Variants in ASTN2 observed in about 807,000 individuals in gnomAD.
ASTN2 encodes astrotactin 2.
In ASTN2, 54 loss-of-function variants were observed where a neutral mutation model predicts 139.8. The observed-to-expected ratio is 0.39, with a 90% confidence interval of 0.31 to 0.48. The LOEUF (loss-of-function observed/expected upper bound fraction) is 0.48, where lower values mean the gene tolerates loss of function less well. ASTN2 is among the 20% of genes least tolerant of loss of function. The pLI is 0.95. For missense variants in ASTN2, 1,565 were observed against 1,725.1 expected (o/e 0.91, Z 1.64); for synonymous variants, 756 against 719.5 (o/e 1.05, Z -0.81).
intron 4 of ASTN2, among the ~76,000 whole-genome samples, chr9:117,135,747 C>T (rs1324556891): frequency 1.3e-5 from 2 of 152,132 alleles, no homozygotes; most frequent in South Asian, 2.1e-4. Flanking sequence ...AAATGCTTCA[C>T]AGAGCAGATG....
intron 17 of ASTN2, among the ~76,000 whole-genome samples, chr9:116,628,512 G>C (rs1243714215): frequency 6.6e-6 from 1 of 152,088 alleles, no homozygotes; most frequent in African/African-American, 2.4e-5. Context: ...GACTAGAATT[G>C]ACTGCCAGCA....
intron 16 of ASTN2, among the ~76,000 whole-genome samples, chr9:116,652,399 A>G (rs1471158238): frequency 2.0e-5 from 3 of 152,192 alleles, no homozygotes; most frequent in African/African-American, 7.2e-5. Context: ...TTATTATTCA[A>G]TAATTTTGCA....
At chr9:116,431,819 G>A (rs901041737) in intron 22 of ASTN2, among the ~76,000 whole-genome samples, 1 of 152,156 alleles carries the variant, frequency 6.6e-6, no homozygotes, top group Non-Finnish European at 1.5e-5. Flanking sequence ...GGTGACAGGA[G>A]GATAGGGCGG....
chr9:116,515,806 T>G (rs1457179169), intron 19 of ASTN2, among the ~76,000 whole-genome samples: 1 of 152,124 alleles, frequency 6.6e-6, no homozygotes, highest in East Asian at 1.9e-4. Flanking sequence ...TAGTCACAAA[T>G]AATAAAGATG....
At chr9:116,731,535 G>A (rs982813659) in intron 14 of ASTN2, among the ~76,000 whole-genome samples, 6 of 152,072 alleles carry the variant, frequency 3.9e-5, no homozygotes, top group African/African-American at 4.8e-5. Context: ...TGATTCTCCT[G>A]CCTCGGCCTC....
intron 1 of ASTN2, among the ~76,000 whole-genome samples, chr9:117,379,919 G>A (rs894961651): frequency 2.0e-5 from 3 of 152,030 alleles, no homozygotes; most frequent in Non-Finnish European, 2.9e-5. Flanking sequence ...AGGGGAGGGA[G>A]TGGCATATTT....
intron 1 of ASTN2, among the ~76,000 whole-genome samples, chr9:117,374,713 T>C (rs1036166873): frequency 3.9e-5 from 6 of 152,198 alleles, no homozygotes; most frequent in African/African-American, 1.4e-4. Flanking sequence ...AGAGGTATAG[T>C]CTTGCTGAAT....
intron 19 of ASTN2, among the ~76,000 whole-genome samples, chr9:116,518,852 G>C (rs1274127877): frequency 9.6e-6 from 1 of 104,324 alleles, no homozygotes; most frequent in East Asian, 2.9e-4. Flanking sequence ...AGTAGGAGTA[G>C]CTATTCCTAC....
chr9:117,243,376 G>A (rs1208011048), intron 2 of ASTN2, among the ~76,000 whole-genome samples: 1 of 152,198 alleles, frequency 6.6e-6, no homozygotes, highest in Non-Finnish European at 1.5e-5. Flanking sequence ...ACTTGCCTGA[G>A]GCCACCCAGC....
chr9:117,233,450 T>C (rs1345477675), intron 2 of ASTN2, among the ~76,000 whole-genome samples: 2 of 152,186 alleles, frequency 1.3e-5, no homozygotes, highest in Non-Finnish European at 2.9e-5. Context: ...ATCAATGAAA[T>C]GATGCACATG....
intron 2 of ASTN2, among the ~76,000 whole-genome samples, chr9:117,263,983 G>A (rs980732243): frequency 7.9e-5 from 12 of 151,798 alleles, no homozygotes; most frequent in African/African-American, 1.7e-4. Context: ...CCTGGGCAAC[G>A]CAGCGAAATC....
At chr9:116,884,050 C>T (rs1833523881) in intron 10 of ASTN2, among the ~76,000 whole-genome samples, 1 of 152,108 alleles carries the variant, frequency 6.6e-6, no homozygotes, top group South Asian at 2.1e-4. Flanking sequence ...TGCCTTGTCT[C>T]CACCCAGGAG....
chr9:116,489,477 C>G (rs1849445318), intron 19 of ASTN2, among the ~76,000 whole-genome samples: 1 of 152,134 alleles, frequency 6.6e-6, no homozygotes, highest in Non-Finnish European at 1.5e-5. Flanking sequence ...GCTGGTACTA[C>G]AGGCATGCAC....
intron 1 of ASTN2, among the ~76,000 whole-genome samples, chr9:117,407,444 G>T (rs1831028472): frequency 6.6e-6 from 1 of 152,212 alleles, no homozygotes; most frequent in South Asian, 2.1e-4. Flanking sequence ...GTAGAGAGAA[G>T]TGTTGAGGCC....
chr9:117,174,513 C>A (rs957435971), intron 3 of ASTN2, among the ~76,000 whole-genome samples: 2 of 151,934 alleles, frequency 1.3e-5, no homozygotes, highest in Non-Finnish European at 2.9e-5. Context: ...ATAATAATTA[C>A]ATATACAAAT....
intron 3 of ASTN2, among the ~76,000 whole-genome samples, chr9:117,170,074 A>G (rs550118047): frequency 1.3e-5 from 2 of 152,264 alleles, no homozygotes; most frequent in South Asian, 4.1e-4. Flanking sequence ...GGGGAAGGTC[A>G]TTGTGAGGAC....
At chr9:117,326,145 T>C (rs1029101237) in intron 1 of ASTN2, among the ~76,000 whole-genome samples, 1 of 152,004 alleles carries the variant, frequency 6.6e-6, no homozygotes, top group Non-Finnish European at 1.5e-5. Flanking sequence ...TTCTCATTTT[T>C]TTCTCACTTT....
At chr9:117,394,337 T>G (rs1830618446) in intron 1 of ASTN2, among the ~76,000 whole-genome samples, 1 of 152,206 alleles carries the variant, frequency 6.6e-6, no homozygotes, top group African/African-American at 2.4e-5. Context: ...TTACTTAAAT[T>G]TATAAAAATT....
chr9:117,089,434 T>C (rs953818329), intron 5 of ASTN2, among the ~76,000 whole-genome samples: 2 of 152,232 alleles, frequency 1.3e-5, no homozygotes, highest in East Asian at 1.9e-4. Context: ...CTTAAAACAA[T>C]GATATACTGG....
Sources: gnomAD v4.1 joint callset for allele counts (sites outside exome capture counted in the v4.1 genomes callset) on GRCh38, gnomAD v4.1.1 for gene constraint, MANE v1.5 for transcripts, NCBI Gene and HGNC (gene_info 2026-07-23, HGNC 2026-07-21) for gene names.